Variants in CSDE1 observed in about 807,000 individuals in gnomAD.
CSDE1 encodes the protein cold shock domain-containing protein E1.
CSDE1 carries 17 observed loss-of-function variants against 89.3 expected under a neutral mutation model. The ratio of observed to expected loss-of-function variants is 0.19; its 90% CI spans 0.13 to 0.29. The LOEUF (loss-of-function observed/expected upper bound fraction) is 0.29, where lower values mean the gene tolerates loss of function less well. CSDE1 is among the 10% of genes least tolerant of loss of function. CSDE1 has a pLI of 1.00. For synonymous variants in CSDE1, 322 were observed against 332.8 expected (o/e 0.97, Z 0.35); for missense variants, 672 against 984.2 (o/e 0.68, Z 4.24).
intron 16 of CSDE1, 140 bp downstream of exon 16, chr1:114,723,743 C>A: frequency 1.7e-6 from 2 of 1,166,090 alleles, no homozygotes; most frequent in Non-Finnish European, 2.5e-6. Context: ...AAATAAAAAG[C>A]AAGCATGAGA....
chr1:114,737,499 G>GT lies in CSDE1; in HGVS notation c.373dup (p.Thr125AsnfsTer9). The GT allele has an allele frequency of 6.2e-7, 1 of 1,613,784 alleles. No homozygotes were observed. The highest frequency in any genetic ancestry group is 8.5e-7 in the Non-Finnish European group (1 of 1,179,898). On this transcript the variant is annotated frameshift_variant, in exon 5 of 20. Coordinates refer to ENST00000358528, the MANE Select transcript of CSDE1 (RefSeq NM_001007553.3). LOFTEE classifies it high-confidence loss of function. ...ATTACGTTCGTAGCATACACTCCCT[G>GT]TTGGACTCTGACCCGGGGCAGCTGG...
intron 2 of CSDE1, among the ~76,000 whole-genome samples, chr1:114,744,837 G>A (rs763215848): frequency 1.3e-5 from 2 of 152,112 alleles, no homozygotes; most frequent in Non-Finnish European, 2.9e-5. Flanking sequence ...TAAGCTTCTT[G>A]AGGGGCAGAA....
At position 114,718,133 on chromosome 1, in the gene CSDE1, A is replaced by T. The variant is rs1432985455; in HGVS notation, c.*36T>A. ...CCTTCACCAGATTCCCCCCAACTTG[A>T]TCATAGTGGATTAATGGTGTGCTTT... On this transcript the variant is annotated 3_prime_UTR_variant, in exon 20 of 20. Coordinates refer to ENST00000358528, the MANE Select transcript of CSDE1 (RefSeq NM_001007553.3). 1 of 1,611,896 alleles carries T rather than the reference A, an allele frequency of 6.2e-7. No homozygotes were observed. The highest frequency in any genetic ancestry group is 8.5e-7 in the Non-Finnish European group (1 of 1,178,348).
At chr1:114,732,915 C>T (rs2101039553) in intron 9 of CSDE1, 99 bp from the exon 10 acceptor site, 1 of 1,044,430 alleles carries the variant, frequency 9.6e-7, no homozygotes. Context: ...TTATTTTTAA[C>T]TTAGTTCCCT....
chr1:114,747,935 C>G (rs1202536891), intron 2 of CSDE1, among the ~76,000 whole-genome samples: 1 of 151,978 alleles, frequency 6.6e-6, no homozygotes, highest in Non-Finnish European at 1.5e-5. Flanking sequence ...TTAATCTTCC[C>G]TATCTAATCC....
chr1:114,717,235 C>A lies in CSDE1; in HGVS notation c.*934G>T, dbSNP rs558730735. ...AGAAGCTACACCAAGGGTCAAGTGT[C>A]TGTATTTTACAGGACACAGTAACCA... On this transcript the variant is annotated 3_prime_UTR_variant, in exon 20 of 20. Transcript: ENST00000358528. 6.6e-6 allele frequency: 1 copy of A among 152,504 alleles called. No homozygotes were observed. Among genetic ancestry groups the A allele is most frequent in the Non-Finnish European group, 1.5e-5 (1 of 68,012 alleles). 9.4% of individuals were successfully genotyped at this position (152,504 alleles called of 1,614,324 possible).
chr1:114,753,767 T>A (rs918296115), intron 1 of CSDE1, among the ~76,000 whole-genome samples: 1 of 152,022 alleles, frequency 6.6e-6, no homozygotes, highest in Non-Finnish European at 1.5e-5. Flanking sequence ...AAAAAATAAA[T>A]TCACTGGGTG....
At chr1:114,718,329 A>G in intron 19 of CSDE1, 113 bp from the exon 20 acceptor site, 1 of 1,255,180 alleles carries the variant, frequency 8.0e-7, no homozygotes, top group South Asian at 1.3e-5. Context: ...TAATCATCTT[A>G]TGCAGTACTA....
At chr1:114,752,463 G>A (rs571657778) in intron 1 of CSDE1, among the ~76,000 whole-genome samples, 1 of 152,188 alleles carries the variant, frequency 6.6e-6, no homozygotes, top group Admixed American at 6.5e-5. Context: ...GCCAGGCCTT[G>A]TTATCTCCCC....
intron 2 of CSDE1, among the ~76,000 whole-genome samples, chr1:114,747,654 T>A (rs1437926867): frequency 1.3e-5 from 2 of 152,114 alleles, no homozygotes; most frequent in Non-Finnish European, 2.9e-5. Flanking sequence ...GGTCAGGAAT[T>A]CAAAACCAGA....
chr1:114,747,163 G>A (rs1038274846), intron 2 of CSDE1, among the ~76,000 whole-genome samples: 1 of 152,130 alleles, frequency 6.6e-6, no homozygotes, highest in African/African-American at 2.4e-5. Flanking sequence ...TCAAACAAAT[G>A]CTTTATAAGC....
At chr1:114,737,894 T>C in intron 4 of CSDE1, 69 bp downstream of exon 4, 1 of 1,048,486 alleles carries the variant, frequency 9.5e-7, no homozygotes, top group Admixed American at 1.7e-5. Flanking sequence ...GGGAGAATCT[T>C]CCTTTTCTAA....
At chr1:114,752,528 C>T (rs1344776163) in intron 1 of CSDE1, among the ~76,000 whole-genome samples, 1 of 152,168 alleles carries the variant, frequency 6.6e-6, no homozygotes, top group Non-Finnish European at 1.5e-5. Flanking sequence ...AACTACTATT[C>T]CAGGTGTCTC....
chr1:114,730,380 T>C lies in CSDE1; in HGVS notation c.1234A>G (p.Lys412Glu). ...AQRNHAIRIK[K>E]LPKGTVSFHS... The stretch of plus-strand genomic sequence containing the variant: ...AATGAAACCGTGCCCTTGGGAAGTT[T>C]TTTAATCCTAATAGCATGATTTCTT... Residue 412 changes from lysine (K) to glutamate (E), a missense_variant, in exon 12 of 20, where the codon AAA becomes GAA. By Grantham distance (56) the Lys-to-Glu change is moderately conservative. Coordinates refer to ENST00000358528, the MANE Select transcript of CSDE1 (RefSeq NM_001007553.3). 6.2e-7 allele frequency: 1 copy of C among 1,614,224 alleles called. No homozygotes were observed.
At chr1:114,730,859 G>C (rs1660058915) in intron 10 of CSDE1, among the ~76,000 whole-genome samples, 2 of 152,172 alleles carry the variant, frequency 1.3e-5, no homozygotes, top group African/African-American at 4.8e-5. Context: ...CTCTCCAATT[G>C]CTACTTCCTG....
At chr1:114,747,311 T>C (rs1281102989) in intron 2 of CSDE1, among the ~76,000 whole-genome samples, 1 of 152,232 alleles carries the variant, frequency 6.6e-6, no homozygotes, top group Admixed American at 6.5e-5. Context: ...ATCTGTTTTC[T>C]TAGCTGTGTG....
chr1:114,734,143 CATT>C (rs1660263838), intron 7 of CSDE1, 26 bp from the exon 8 acceptor site: 1 of 1,599,604 alleles, frequency 6.3e-7, no homozygotes, highest in Non-Finnish European at 8.5e-7. Context: ...AAACCAAGAA[CATT>C]ATTACCACTC....
intron 1 of CSDE1, chr1:114,756,934 T>A (rs1319398292): frequency 6.6e-6 from 1 of 152,190 alleles, no homozygotes; most frequent in East Asian, 1.9e-4. Flanking sequence ...ATTGATAAAA[T>A]AGCATGGCAA....
chr1:114,740,250 C>G (rs1401215864), intron 2 of CSDE1, among the ~76,000 whole-genome samples: 1 of 152,160 alleles, frequency 6.6e-6, no homozygotes, highest in Admixed American at 6.5e-5. Context: ...TATTAAGAGA[C>G]AGCGACCACA....
Sources: gnomAD v4.1 joint callset for allele counts (sites outside exome capture counted in the v4.1 genomes callset) on GRCh38, gnomAD v4.1.1 for gene constraint, MANE v1.5 for transcripts, NCBI Gene and HGNC (gene_info 2026-07-23, HGNC 2026-07-21) for gene names.